The following PLCL1 variants were observed in gnomAD, a reference collection of about 807,000 sequenced individuals.
The protein encoded by PLCL1 is inactive phospholipase C-like protein 1.
A neutral mutation model predicts 84.4 loss-of-function variants in PLCL1; 41 were observed. That is an observed-to-expected ratio of 0.49 (90% confidence interval 0.38 to 0.63). PLCL1 has a LOEUF of 0.63. PLCL1 is among the 30% of genes least tolerant of loss of function. The pLI is 0.00. For missense variants in PLCL1, 1,206 were observed against 1,367.8 expected (o/e 0.88, Z 1.87); for synonymous variants, 490 against 488.3 (o/e 1.00, Z -0.05).
chr2:197,888,162 G>A (rs1171736958), intron 1 of PLCL1, among the ~76,000 whole-genome samples: 1 of 151,782 alleles, frequency 6.6e-6, no homozygotes, highest in Non-Finnish European at 1.5e-5. Flanking sequence ...CCCCCCAAGT[G>A]TTTCAAAGCT....
chr2:198,095,320 A>C (rs892921433), intron 3 of PLCL1, among the ~76,000 whole-genome samples: 1 of 152,226 alleles, frequency 6.6e-6, no homozygotes, highest in Non-Finnish European at 1.5e-5. Flanking sequence ...TGAAGTAGGT[A>C]GTATAGTCAC....
At chr2:198,092,282 G>T (rs1338974093) in intron 3 of PLCL1, among the ~76,000 whole-genome samples, 1 of 151,980 alleles carries the variant, frequency 6.6e-6, no homozygotes, top group Non-Finnish European at 1.5e-5. Context: ...AACCTCACCT[G>T]CCTCTCCAGT....
intron 1 of PLCL1, among the ~76,000 whole-genome samples, chr2:197,929,019 A>G (rs1688883681): frequency 6.6e-6 from 1 of 152,160 alleles, no homozygotes; most frequent in Admixed American, 6.6e-5. Flanking sequence ...AAAACATTTT[A>G]GCATTGGCAT....
At chr2:197,955,702 G>A (rs932521561) in intron 1 of PLCL1, among the ~76,000 whole-genome samples, 4 of 150,336 alleles carry the variant, frequency 2.7e-5, no homozygotes, top group African/African-American at 9.8e-5. Context: ...TCCATGTGCC[G>A]GCAAAGGACA....
At chr2:198,024,000 A>G (rs1003701903) in intron 1 of PLCL1, among the ~76,000 whole-genome samples, 6 of 152,208 alleles carry the variant, frequency 3.9e-5, no homozygotes, top group African/African-American at 1.4e-4. Context: ...ACTAACCCAA[A>G]TGCCCATCAA....
At chr2:198,146,021 G>A (rs985706621) in intron 5 of PLCL1, among the ~76,000 whole-genome samples, 5 of 152,182 alleles carry the variant, frequency 3.3e-5, no homozygotes, top group Non-Finnish European at 7.3e-5. Flanking sequence ...GCCAGTATCA[G>A]TATACGCACT....
intron 5 of PLCL1, among the ~76,000 whole-genome samples, chr2:198,116,428 A>T (rs1693751019): frequency 6.6e-6 from 1 of 151,928 alleles, no homozygotes; most frequent in East Asian, 1.9e-4. Flanking sequence ...CTATCTATGA[A>T]TGCAGGATAA....
At chr2:198,086,979 AGG>A (rs1692902274) in intron 2 of PLCL1, among the ~76,000 whole-genome samples, 1 of 152,196 alleles carries the variant, frequency 6.6e-6, no homozygotes, top group Non-Finnish European at 1.5e-5. Flanking sequence ...AATGTCTATT[AGG>A]TTACTTTTTA....
At chr2:198,108,003 G>T (rs1187454385) in intron 5 of PLCL1, among the ~76,000 whole-genome samples, 1 of 151,850 alleles carries the variant, frequency 6.6e-6, no homozygotes, top group African/African-American at 2.4e-5. Flanking sequence ...AAGAGCCTGG[G>T]CTCTGTTGGA....
intron 1 of PLCL1, among the ~76,000 whole-genome samples, chr2:197,979,687 T>C (rs554917588): frequency 6.6e-6 from 1 of 152,222 alleles, no homozygotes; most frequent in Non-Finnish European, 1.5e-5. Flanking sequence ...TCATCTCTTG[T>C]CACTTGCTTA....
At chr2:197,969,057 T>A (rs956541853) in intron 1 of PLCL1, among the ~76,000 whole-genome samples, 1 of 152,166 alleles carries the variant, frequency 6.6e-6, no homozygotes, top group African/African-American at 2.4e-5. Flanking sequence ...ATAGGAGTGG[T>A]AACTATTTGT....
chr2:197,857,467 G>A (rs756799363), intron 1 of PLCL1, among the ~76,000 whole-genome samples: 48 of 152,164 alleles, frequency 3.2e-4, no homozygotes, highest in Non-Finnish European at 6.6e-4. Context: ...GCTGATCAGG[G>A]CTTCTGACTT....
chr2:197,950,250 C>T (rs1689361801), intron 1 of PLCL1, among the ~76,000 whole-genome samples: 1 of 152,102 alleles, frequency 6.6e-6, no homozygotes, highest in Admixed American at 6.6e-5. Context: ...CTTTGTTTGA[C>T]TTTTCTCTGT....
intron 5 of PLCL1, among the ~76,000 whole-genome samples, chr2:198,109,093 C>T (rs13385675): frequency 0.01 from 1,557 of 151,904 alleles, 36 homozygotes; most frequent in African/African-American, 0.035. Flanking sequence ...TAATAAAATA[C>T]CTGAGACTGG....
chr2:198,120,592 C>T (rs1693845786), intron 5 of PLCL1, among the ~76,000 whole-genome samples: 1 of 151,978 alleles, frequency 6.6e-6, no homozygotes, highest in Non-Finnish European at 1.5e-5. Flanking sequence ...CTGTGCCTGG[C>T]TTATTTAAGT....
At chr2:198,144,633 C>T (rs1418441271) in intron 5 of PLCL1, among the ~76,000 whole-genome samples, 2 of 152,116 alleles carry the variant, frequency 1.3e-5, no homozygotes, top group Admixed American at 1.3e-4. Flanking sequence ...AGGATATTTT[C>T]ATCATTTTTG....
intron 1 of PLCL1, among the ~76,000 whole-genome samples, chr2:197,930,767 T>C (rs1688915138): frequency 6.6e-6 from 1 of 152,176 alleles, no homozygotes; most frequent in Non-Finnish European, 1.5e-5. Flanking sequence ...AGGACACATA[T>C]GGAGGGGCAT....
chr2:197,958,768 G>A (rs182603816), intron 1 of PLCL1, among the ~76,000 whole-genome samples: 1 of 152,058 alleles, frequency 6.6e-6, no homozygotes, highest in Non-Finnish European at 1.5e-5. Context: ...ACACCACAGA[G>A]ATAATGTGAG....
intron 1 of PLCL1, among the ~76,000 whole-genome samples, chr2:197,896,622 C>T (rs1688136833): frequency 6.6e-6 from 1 of 152,058 alleles, no homozygotes; most frequent in South Asian, 2.1e-4. Flanking sequence ...TAACATCAGG[C>T]ATAATAAATT....
Sources: allele counts gnomAD v4.1 joint callset (sites outside exome capture counted in the v4.1 genomes callset), GRCh38; gene constraint gnomAD v4.1.1; transcripts MANE v1.5; gene names NCBI Gene and HGNC (gene_info 2026-07-23, HGNC 2026-07-21).